The following LRRC37A variants were observed in gnomAD, a reference collection of about 807,000 sequenced individuals.
LRRC37A encodes the protein leucine-rich repeat-containing protein 37A.
A neutral mutation model predicts 35.4 loss-of-function variants in LRRC37A; 3 were observed. That is an observed-to-expected ratio of 0.08 (90% CI 0.04 to 0.22). LRRC37A has a LOEUF of 0.22. Ranked by LOEUF, LRRC37A falls within the 10% of genes least tolerant of loss-of-function variation. The probability of loss-of-function intolerance (pLI) is 1.00; values close to 1 mark genes in which losing one functional copy is unlikely to be tolerated. For synonymous variants in LRRC37A, 23 were observed against 215.0 expected (o/e 0.11, Z 7.81); for missense variants, 67 against 565.3 (o/e 0.12, Z 8.94).
chr17:46,252,929 A>AC, the LRRC37A span, among the ~76,000 whole-genome samples: 23,443 of 135,184 alleles, frequency 0.17, 3,744 homozygotes, highest in East Asian at 0.39. Context: ...CGGGGGGCTG[A>AC]CCCCCCCACC....
At chr17:46,248,649 A>G in the LRRC37A span, among the ~76,000 whole-genome samples, 1 of 151,980 alleles carries the variant, frequency 6.6e-6, no homozygotes, top group Non-Finnish European at 1.5e-5. Context: ...CCTCCTGAGT[A>G]GCTGGGATTA....
the LRRC37A span, among the ~76,000 whole-genome samples, chr17:46,263,645 G>A: frequency 1.1e-3 from 169 of 150,186 alleles, 1 homozygote; most frequent in African/African-American, 3.9e-3. Flanking sequence ...ACCTAAGGTC[G>A]GGAGTTTGAG....
the LRRC37A span, among the ~76,000 whole-genome samples, chr17:46,267,803 A>G: frequency 6.6e-6 from 1 of 151,856 alleles, no homozygotes; most frequent in Non-Finnish European, 1.5e-5. Flanking sequence ...CACCATTGCC[A>G]GAAGGGACTG....
chr17:46,261,253 C>G, the LRRC37A span, among the ~76,000 whole-genome samples: 2 of 152,114 alleles, frequency 1.3e-5, no homozygotes, highest in Admixed American at 6.5e-5. Flanking sequence ...CTTTCTGTAA[C>G]CTAATCTTGG....
At chr17:46,291,486 A>T (rs147981960), upstream of LRRC37A, among the ~76,000 whole-genome samples, 1 of 150,730 alleles carries the variant, frequency 6.6e-6, no homozygotes, top group Non-Finnish European at 1.5e-5. Context: ...GCTGTGTGTG[A>T]GGCAGTGATA....
At chr17:46,267,476 G>A in the LRRC37A span, 1 of 1,612,746 alleles carries the variant, frequency 6.2e-7, no homozygotes, top group South Asian at 1.1e-5. Context: ...GTTAGTCCTG[G>A]ACTCCTCCAG....
At chr17:46,278,499 G>A in the LRRC37A span, among the ~76,000 whole-genome samples, 2 of 151,776 alleles carry the variant, frequency 1.3e-5, no homozygotes, top group Non-Finnish European at 1.5e-5. Context: ...CCACCTCCTG[G>A]GTTCAAGCGA....
the LRRC37A span, among the ~76,000 whole-genome samples, chr17:46,280,323 C>T: frequency 6.6e-6 from 1 of 152,122 alleles, no homozygotes. Context: ...GAGATTGCAC[C>T]ACTGCACTCC....
the LRRC37A span, chr17:46,260,624 T>A: frequency 1.1e-6 from 1 of 918,656 alleles, no homozygotes. Flanking sequence ...TATTCTCTTT[T>A]TTTTTTTTTT....
intron 10 of LRRC37A, chr17:46,334,823 T>C (rs575254465): frequency 3.0e-5 from 4 of 133,944 alleles, no homozygotes; most frequent in East Asian, 4.4e-4. Context: ...CATCTTCAGA[T>C]TCAACTAGAT....
the LRRC37A span, among the ~76,000 whole-genome samples, chr17:46,272,301 T>C: frequency 4.6e-5 from 7 of 152,376 alleles, no homozygotes; most frequent in African/African-American, 1.7e-4. Flanking sequence ...GCCTGGATTA[T>C]TGAAAGCAAA....
At chr17:46,274,995 C>T in the LRRC37A span, 23,861 of 156,202 alleles carry the variant, frequency 0.15, 2,451 homozygotes, top group Middle Eastern at 0.25. Context: ...CGGGTTCCAG[C>T]GATTCTCCTG....
chr17:46,267,378 G>T, the LRRC37A span: 1 of 1,089,086 alleles, frequency 9.2e-7, no homozygotes, highest in African/African-American at 1.4e-5. Context: ...TCTGGCTGGT[G>T]ACCCTGCTGG....
chr17:46,256,431 G>A, the LRRC37A span, among the ~76,000 whole-genome samples: 1 of 152,058 alleles, frequency 6.6e-6, no homozygotes, highest in Non-Finnish European at 1.5e-5. Context: ...GAAGAGACCA[G>A]AGAGCCTTTC....
At chr17:46,267,986 C>G in the LRRC37A span, among the ~76,000 whole-genome samples, 1 of 149,894 alleles carries the variant, frequency 6.7e-6, no homozygotes, top group Non-Finnish European at 1.5e-5. Context: ...CTGCAACCTC[C>G]GTCCCCCAGG....
chr17:46,291,872 G>T (rs1161253442), upstream of LRRC37A, among the ~76,000 whole-genome samples: 1 of 150,830 alleles, frequency 6.6e-6, no homozygotes, highest in Non-Finnish European at 1.5e-5. Context: ...GAGGCGGAAG[G>T]ACTTACTGAT....
the LRRC37A span, among the ~76,000 whole-genome samples, chr17:46,279,174 T>C: frequency 6.7e-6 from 1 of 150,182 alleles, no homozygotes; most frequent in African/African-American, 2.4e-5. Context: ...AATAAGGCAT[T>C]CTTTTTTTTC....
At chr17:46,260,939 C>A in the LRRC37A span, among the ~76,000 whole-genome samples, 1 of 152,144 alleles carries the variant, frequency 6.6e-6, no homozygotes, top group African/African-American at 2.4e-5. Flanking sequence ...GACTATTATT[C>A]TCAGCGAAGT....
the LRRC37A span, among the ~76,000 whole-genome samples, chr17:46,286,291 A>G: frequency 2.0e-5 from 3 of 152,268 alleles, no homozygotes; most frequent in Admixed American, 6.5e-5. Context: ...AAAATTTATA[A>G]GAACACTGTA....
Sources: allele counts gnomAD v4.1 joint callset (sites outside exome capture counted in the v4.1 genomes callset), GRCh38; gene constraint gnomAD v4.1.1; transcripts MANE v1.5; gene names NCBI Gene and HGNC (gene_info 2026-07-23, HGNC 2026-07-21).